Variants in ARHGAP15 observed in about 807,000 individuals in gnomAD.
ARHGAP15 encodes Rho GTPase activating protein 15, also known as rho GTPase-activating protein 15.
A neutral mutation model predicts 63.7 loss-of-function variants in ARHGAP15; 51 were observed. The observed-to-expected ratio is 0.80, with a 90% CI of 0.64 to 1.01. The LOEUF (loss-of-function observed/expected upper bound fraction) is 1.01, where lower values mean the gene tolerates loss of function less well. Ranked by LOEUF, ARHGAP15 falls within the 50% of genes least tolerant of loss-of-function variation. The pLI is 0.00. For missense variants in ARHGAP15, 560 were observed against 564.6 expected, an observed-to-expected ratio of 0.99 and a Z score of 0.08; for synonymous variants, 191 against 193.8, an observed-to-expected ratio of 0.99 and a Z score of 0.12.
intron 9 of ARHGAP15, among the ~76,000 whole-genome samples, chr2:143,488,814 G>A (rs909726511): frequency 1.3e-5 from 2 of 152,184 alleles, no homozygotes; most frequent in Admixed American, 6.5e-5. Context: ...TGAAGCAAAA[G>A]CATACACATT....
chr2:143,346,861 A>G lies in ARHGAP15; in HGVS notation c.475-88740A>G, dbSNP rs1354965454. On this transcript the variant is annotated intron_variant, in intron 6 of 13. Transcript: ENST00000295095. ...AGAAATATTTTCAAATCAAAGACCA[A>G]CTGACACATATAAAAATGATGTATG... is the stretch of plus-strand genomic sequence containing the variant. 1.3e-5 allele frequency among the ~76,000 whole-genome samples: 2 copies of G among 152,136 alleles called. 1 individual carries two copies. The highest frequency in any genetic ancestry group is 6.3e-3 in the Middle Eastern group (2 of 316).
At chr2:143,184,394 A>T (rs963996590) in intron 2 of ARHGAP15, among the ~76,000 whole-genome samples, 10 of 152,196 alleles carry the variant, frequency 6.6e-5, no homozygotes, top group African/African-American at 2.4e-4. Flanking sequence ...GGCAGGACTA[A>T]TTCCTTTATC....
chr2:143,488,904 C>G (rs1692446056), intron 9 of ARHGAP15, among the ~76,000 whole-genome samples: 2 of 152,194 alleles, frequency 1.3e-5, no homozygotes, highest in South Asian at 4.1e-4. Flanking sequence ...CAGACTTTTA[C>G]TCTCCGATGC....
At chr2:143,520,574 T>A (rs1160748013) in intron 10 of ARHGAP15, among the ~76,000 whole-genome samples, 2 of 152,146 alleles carry the variant, frequency 1.3e-5, no homozygotes, top group Admixed American at 6.6e-5. Flanking sequence ...AGGAGAGGTA[T>A]CTGTGAGAAA....
intron 6 of ARHGAP15, among the ~76,000 whole-genome samples, chr2:143,330,116 AAAAAAAAAAAAAAAACCAAAAAC>A (rs1187337923): frequency 5.9e-4 from 51 of 86,862 alleles, no homozygotes; most frequent in African/African-American, 1.9e-3. Context: ...AAAAAAAAAA[AAAAAAAAAAAAAAAACCAAAAAC>A]AAAAAACTAA....
intron 3 of ARHGAP15, among the ~76,000 whole-genome samples, chr2:143,204,221 T>A (rs1480957083): frequency 6.6e-6 from 1 of 152,174 alleles, no homozygotes; most frequent in Non-Finnish European, 1.5e-5. Context: ...TTCTACTGTT[T>A]ATTTTCAACA....
intron 3 of ARHGAP15, among the ~76,000 whole-genome samples, chr2:143,208,638 G>A (rs917404785): frequency 6.6e-6 from 1 of 152,076 alleles, no homozygotes; most frequent in Non-Finnish European, 1.5e-5. Context: ...CTTAGAAAGT[G>A]CTATAATATC....
chr2:143,419,691 G>A (rs1422933209), intron 6 of ARHGAP15, among the ~76,000 whole-genome samples: 1 of 151,704 alleles, frequency 6.6e-6, no homozygotes, highest in Non-Finnish European at 1.5e-5. Context: ...CATAACATAT[G>A]TATTAAAGAG....
intron 11 of ARHGAP15, among the ~76,000 whole-genome samples, chr2:143,585,517 T>C (rs1421969111): frequency 2.0e-5 from 3 of 152,142 alleles, no homozygotes; most frequent in African/African-American, 7.2e-5. Flanking sequence ...AATATGATTC[T>C]GCCACAGTGG....
intron 3 of ARHGAP15, among the ~76,000 whole-genome samples, chr2:143,210,073 G>T (rs1692508649): frequency 6.6e-6 from 1 of 152,134 alleles, no homozygotes; most frequent in African/African-American, 2.4e-5. Context: ...CTAATAAGTT[G>T]CCCAGACAGT....
At chr2:143,699,416 C>G (rs929425102) in intron 12 of ARHGAP15, among the ~76,000 whole-genome samples, 1 of 152,066 alleles carries the variant, frequency 6.6e-6, no homozygotes, top group Non-Finnish European at 1.5e-5. Flanking sequence ...ATGCATGCAC[C>G]AATATCCAAT....
At chr2:143,452,934 C>A (rs1299250973) in intron 8 of ARHGAP15, among the ~76,000 whole-genome samples, 1 of 151,768 alleles carries the variant, frequency 6.6e-6, no homozygotes, top group East Asian at 1.9e-4. Context: ...TTAATTTTTA[C>A]CCAAGGACAA....
intron 6 of ARHGAP15, among the ~76,000 whole-genome samples, chr2:143,434,095 C>G (rs775417486): frequency 3.9e-5 from 6 of 152,052 alleles, no homozygotes; most frequent in Non-Finnish European, 8.8e-5. Context: ...AAATAGGAGG[C>G]TGTTTTGAGC....
chr2:143,143,498 T>C (rs939604925), intron 1 of ARHGAP15, among the ~76,000 whole-genome samples: 1 of 151,894 alleles, frequency 6.6e-6, no homozygotes, highest in Non-Finnish European at 1.5e-5. Context: ...TGAGGATACA[T>C]AATTTTGTGG....
At chr2:143,642,379 C>T (rs1680646487) in intron 12 of ARHGAP15, among the ~76,000 whole-genome samples, 1 of 151,966 alleles carries the variant, frequency 6.6e-6, no homozygotes, top group Admixed American at 6.6e-5. Context: ...GAAACAGATT[C>T]CTGGACCCAC....
intron 11 of ARHGAP15, chr2:143,571,684 G>A (rs1375550895): frequency 6.6e-6 from 1 of 152,136 alleles, no homozygotes; most frequent in Non-Finnish European, 1.5e-5. Context: ...CAGATTGTTT[G>A]TCTTTTTGTG....
intron 8 of ARHGAP15, among the ~76,000 whole-genome samples, chr2:143,477,192 A>ACACACACACACACACTCGCG (rs1324502471): frequency 1.5e-5 from 2 of 129,550 alleles, no homozygotes; most frequent in East Asian, 6.3e-4. Flanking sequence ...ACATGCTCGC[A>ACACACACACACACACTCGCG]CACACACACA....
intron 5 of ARHGAP15, among the ~76,000 whole-genome samples, chr2:143,243,078 A>T (rs1341988103): frequency 1.3e-5 from 2 of 152,136 alleles, no homozygotes; most frequent in Non-Finnish European, 2.9e-5. Context: ...TGTGCGGCCA[A>T]ATGATTTGTG....
At chr2:143,359,250 G>A (rs1218493329) in intron 6 of ARHGAP15, among the ~76,000 whole-genome samples, 4 of 151,938 alleles carry the variant, frequency 2.6e-5, no homozygotes, top group African/African-American at 9.7e-5. Flanking sequence ...TACTTTCATT[G>A]AAGTTCATTG....
Sources: gnomAD v4.1 joint callset for allele counts (sites outside exome capture counted in the v4.1 genomes callset) on GRCh38, gnomAD v4.1.1 for gene constraint, MANE v1.5 for transcripts, NCBI Gene and HGNC (gene_info 2026-07-23, HGNC 2026-07-21) for gene names.